The following RD3 variants were observed in gnomAD, a reference collection of about 807,000 sequenced individuals.
RD3 encodes the protein RD3 regulator of GUCY2D.
In RD3, 11 loss-of-function variants were observed where a neutral mutation model predicts 16.9. The ratio of observed to expected loss-of-function variants is 0.65; its 90% CI spans 0.41 to 1.08. The LOEUF is 1.08. Ranked by LOEUF, RD3 falls within the 50% of genes least tolerant of loss-of-function variation. The pLI is 0.00. For missense variants in RD3, 274 were observed against 267.4 expected (o/e 1.02, Z -0.17); for synonymous variants, 116 against 114.8 (o/e 1.01, Z -0.07).
chr1:211,480,395 G>A (rs1389892499), intron 2 of RD3, among the ~76,000 whole-genome samples: 2 of 152,226 alleles, frequency 1.3e-5, no homozygotes, highest in Middle Eastern at 3.4e-3. Context: ...GGTGAGGGAA[G>A]ATTTTGGGAG....
At chr1:211,483,974 A>G (rs1488209281) in intron 1 of RD3, among the ~76,000 whole-genome samples, 3 of 152,162 alleles carry the variant, frequency 2.0e-5, no homozygotes, top group Admixed American at 6.5e-5. Flanking sequence ...TGCCTTTGTC[A>G]TGTTCCTCCC....
Position 211,478,896 on chromosome 1 carries a change from A to C in RD3, c.*140T>G, listed in dbSNP as rs41275364. The stretch of plus-strand genomic sequence containing the variant: ...GGGGCAGGGAGTCGCTTCATTTTAT[A>C]GCAGCGTCTTGGGATGGGGCCGCCT... On this transcript the variant is annotated 3_prime_UTR_variant, in exon 3 of 3. Transcript: ENST00000680073. 1.4e-6 allele frequency: 1 copy of C among 709,638 alleles called. No homozygotes were observed. Among genetic ancestry groups the C allele is most frequent in the Non-Finnish European group, 2.2e-6 (1 of 446,360 alleles). The allele number at this position is 709,638 out of a possible 1,614,324, so 44.0% of individuals were successfully genotyped here.
rs113183045 is a variant in RD3, at chr1:211,485,140, C to T, written c.-11-3714G>A. On this transcript the variant is annotated intron_variant, in intron 1 of 2. Coordinates refer to ENST00000680073, the MANE Select transcript of RD3 (RefSeq NM_001164688.2). ...CCTGCTTCCCTGGGCTTAAGGCTCC[C>T]GACCTGAGCTGGCCGCTAGAGAAGG... Among the ~76,000 whole-genome samples the T allele has an allele frequency of 8.2e-3, 1,246 of 152,262 alleles. 25 individuals carry two copies. The highest frequency in any genetic ancestry group is 0.028 in the African/African-American group (1,176 of 41,530).
chr1:211,489,028 C>A (rs1396094014), intron 1 of RD3, among the ~76,000 whole-genome samples: 1 of 152,196 alleles, frequency 6.6e-6, no homozygotes, highest in Admixed American at 6.5e-5. Flanking sequence ...TACGCCCTTC[C>A]CCTCCCGTGT....
chr1:211,481,461 G>T, intron 1 of RD3, 35 bp from the exon 2 acceptor site: 2 of 1,597,180 alleles, frequency 1.3e-6, no homozygotes, highest in Non-Finnish European at 1.7e-6. Flanking sequence ...TCTTTCCTGG[G>T]CCCCTCTGTT....
intron 1 of RD3, among the ~76,000 whole-genome samples, chr1:211,481,695 A>G (rs916355093): frequency 1.3e-5 from 2 of 152,218 alleles, no homozygotes; most frequent in Non-Finnish European, 2.9e-5. Flanking sequence ...GACTCTTGTG[A>G]TTATGATCCT....
At chr1:211,480,308 G>C (rs1409773908) in intron 2 of RD3, among the ~76,000 whole-genome samples, 1 of 152,162 alleles carries the variant, frequency 6.6e-6, no homozygotes, top group Non-Finnish European at 1.5e-5. Context: ...GGTGAAAGGG[G>C]CTGAAGGAGA....
intron 1 of RD3, among the ~76,000 whole-genome samples, chr1:211,490,086 C>G (rs1047097500): frequency 6.6e-6 from 1 of 152,158 alleles, no homozygotes; most frequent in Admixed American, 6.5e-5. Flanking sequence ...AGCTGTGGCT[C>G]GTTAGCTGTG....
rs547217381 is a variant in RD3, at chr1:211,482,593, A to C, written c.-11-1167T>G. Among the ~76,000 whole-genome samples, 16 of 151,992 alleles carry C rather than the reference A, an allele frequency of 1.1e-4. 1 individual carries two copies. In the South Asian group the frequency reaches 3.3e-3, roughly 32 times the overall value. On this transcript the variant is annotated intron_variant, in intron 1 of 2. Coordinates refer to ENST00000680073, the MANE Select transcript of RD3 (RefSeq NM_001164688.2). ...CCATAGAACAAGGTGAGACAGGTGG[A>C]GGTCTGACAGCAGCGAGCCTAACTC...
chr1:211,481,505 A>G, intron 1 of RD3, 79 bp from the exon 2 acceptor site: 4 of 1,378,282 alleles, frequency 2.9e-6, no homozygotes, highest in Middle Eastern at 2.5e-4. Flanking sequence ...CCCAAGGGGG[A>G]GAGAGGAGAG....
Position 211,482,144 on chromosome 1 carries a change from C to T in RD3, c.-11-718G>A, listed in dbSNP as rs139119032. On this transcript the variant is annotated intron_variant, in intron 1 of 2. Coordinates refer to ENST00000680073, the MANE Select transcript of RD3 (RefSeq NM_001164688.2). Reference sequence around the variant, plus strand: ...GGCTGAGGCAGGAGAATTGCCTGAACCCGGGAGGTGGAGGTTGGGGTGAGC... The same window carrying T: ...GGCTGAGGCAGGAGAATTGCCTGAATCCGGGAGGTGGAGGTTGGGGTGAGC... Among the ~76,000 whole-genome samples the T allele has an allele frequency of 6.2e-3, 936 of 150,300 alleles. 19 individuals are homozygous for T. Among genetic ancestry groups the T allele is most frequent in the African/African-American group, 0.023 (907 of 39,736 alleles).
chr1:211,485,714 C>A (rs554677345), intron 1 of RD3, among the ~76,000 whole-genome samples: 2 of 152,316 alleles, frequency 1.3e-5, no homozygotes, highest in Admixed American at 1.3e-4. Flanking sequence ...TCAGTGTAAG[C>A]CCCAAGGCCC....
chr1:211,484,498 C>T (rs1483005160), intron 1 of RD3, among the ~76,000 whole-genome samples: 1 of 152,042 alleles, frequency 6.6e-6, no homozygotes, highest in African/African-American at 2.4e-5. Flanking sequence ...CTCCTGTGGC[C>T]GGGAGAAATG....
chr1:211,486,849 A>C (rs1343170592), intron 1 of RD3, among the ~76,000 whole-genome samples: 2 of 152,228 alleles, frequency 1.3e-5, no homozygotes, highest in African/African-American at 4.8e-5. Context: ...GTCTCCAAAA[A>C]AGAAAAGAAA....
chr1:211,480,324 T>A (rs1705235906), intron 2 of RD3, among the ~76,000 whole-genome samples: 1 of 152,098 alleles, frequency 6.6e-6, no homozygotes, highest in Non-Finnish European at 1.5e-5. Context: ...GGAGAGGAGC[T>A]TTTGAAGGGA....
At chr1:211,483,246 G>A (rs933259231) in intron 1 of RD3, among the ~76,000 whole-genome samples, 1 of 151,802 alleles carries the variant, frequency 6.6e-6, no homozygotes, top group African/African-American at 2.4e-5. Context: ...CAGCTCACTT[G>A]AAGCCAGGAG....
At position 211,481,112 on chromosome 1, in the gene RD3, G is replaced by A; in HGVS notation, c.296+8C>T. ...CAGCCCAGCAAGGGTCCCCATCCCA[G>A]TGCTCACCTGAGGATAGCAGGCCCA... On this transcript the variant is annotated splice_region_variant and intron_variant, in intron 2 of 2. Transcript: ENST00000680073. The A allele has an allele frequency of 1.2e-6, 2 of 1,613,854 alleles. No individual in the cohort carries two copies. Among genetic ancestry groups the A allele is most frequent in the Non-Finnish European group, 1.7e-6 (2 of 1,179,776 alleles).
intron 1 of RD3, among the ~76,000 whole-genome samples, chr1:211,481,840 C>G (rs116495978): frequency 6.6e-6 from 1 of 152,318 alleles, no homozygotes; most frequent in African/African-American, 2.4e-5. Context: ...CACACACACA[C>G]TCAGAACAGA....
At chr1:211,485,162 A>G (rs951114521) in intron 1 of RD3, among the ~76,000 whole-genome samples, 2 of 152,114 alleles carry the variant, frequency 1.3e-5, no homozygotes, top group Non-Finnish European at 2.9e-5. Flanking sequence ...GCCGCTAGAG[A>G]AGGTGCTTTG....
Sources: gnomAD v4.1 joint callset for allele counts (sites outside exome capture counted in the v4.1 genomes callset) on GRCh38, gnomAD v4.1.1 for gene constraint, MANE v1.5 for transcripts, NCBI Gene and HGNC (gene_info 2026-07-23, HGNC 2026-07-21) for gene names.